The following TTLL10 variants were observed in gnomAD, a reference collection of about 807,000 sequenced individuals.
The protein encoded by TTLL10 is inactive polyglycylase TTLL10.
A neutral mutation model predicts 69.0 loss-of-function variants in TTLL10; 61 were observed. The ratio of observed to expected loss-of-function variants is 0.88; its 90% CI spans 0.72 to 1.09. The LOEUF (loss-of-function observed/expected upper bound fraction) is 1.09, where lower values mean the gene tolerates loss of function less well. Among genes scored for constraint, TTLL10 ranks in the 50% least tolerant of loss-of-function variants. The pLI, the probability that TTLL10 is intolerant of heterozygous loss-of-function variation, is 0.00. For missense variants in TTLL10, 962 were observed against 945.9 expected (o/e 1.02, Z -0.22); for synonymous variants, 408 against 393.3 (o/e 1.04, Z -0.44).
Position 1,185,246 on chromosome 1 carries a change from C to T in TTLL10, c.1401+137C>T. 6.9e-7 allele frequency: 1 copy of T among 1,456,978 alleles called. No homozygotes were observed. The highest frequency in any genetic ancestry group is 9.0e-7 in the Non-Finnish European group (1 of 1,105,646). The allele number at this position is 1,456,978 out of a possible 1,614,324, so 90.3% of individuals were successfully genotyped here. ...TGAAGTGTGACCTGACCGTGTGGAA[C>T]CAAACCCTTCCAGCGTCTCTGCTCA... On this transcript the variant is annotated intron_variant, in intron 13 of 15. Transcript: ENST00000379289. The surrounding 1 kb of genome is among the most constrained non-coding windows in gnomAD (Gnocchi z 6.1).
chr1:1,196,763 C>A, intron 14 of TTLL10, 47 bp downstream of exon 14: 1 of 1,323,440 alleles, frequency 7.6e-7, no homozygotes, highest in Non-Finnish European at 1.1e-6. Flanking sequence ...TGCAAGGAGG[C>A]AGGGGCCATC....
At chr1:1,196,491 G>A in intron 13 of TTLL10, 109 bp from the exon 14 acceptor site, 1 of 781,478 alleles carries the variant, frequency 1.3e-6, no homozygotes, top group South Asian at 1.5e-5. Flanking sequence ...CTGTACAGGT[G>A]CGGGTTCAGA....
chr1:1,175,379 C>T, intron 3 of TTLL10: 1 of 300,380 alleles, frequency 3.3e-6, no homozygotes, highest in Non-Finnish European at 6.5e-6. Context: ...GCACCTGATG[C>T]TGCTGCTTCT....
At chr1:1,189,468 T>G (rs976960273) in intron 13 of TTLL10, among the ~76,000 whole-genome samples, 4 of 152,252 alleles carry the variant, frequency 2.6e-5, no homozygotes, top group Non-Finnish European at 5.9e-5. Context: ...ACCATTTAAA[T>G]TTAAATATGC....
In TTLL10 at chr1:1,185,858, T is replaced by C. The variant is rs900772496; in HGVS notation, c.1401+749T>C. 5 of 983,592 alleles carry C rather than the reference T, an allele frequency of 5.1e-6. No homozygotes were observed. The highest frequency in any genetic ancestry group is 6.0e-6 in the Non-Finnish European group (5 of 828,454). The allele number at this position is 983,592 out of a possible 1,614,324, so 60.9% of individuals were successfully genotyped here. A position where few individuals can be genotyped will look rare whatever the true frequency, so the allele number is the denominator to read the frequency against. Reference sequence around the variant, plus strand: ...AATTCACAGAACATAAAATTCACGATCTTAAAGTGTGCAGTTCAGTGGCTT... The same window carrying C: ...AATTCACAGAACATAAAATTCACGACCTTAAAGTGTGCAGTTCAGTGGCTT... On this transcript the variant is annotated intron_variant, in intron 13 of 15. Coordinates refer to ENST00000379289, the MANE Select transcript of TTLL10 (RefSeq NM_001130045.2). This position sits in a 1 kb window ranked among gnomAD's most constrained non-coding sequence, Gnocchi z 6.1.
At chr1:1,195,198 C>T (rs999165605) in intron 13 of TTLL10, among the ~76,000 whole-genome samples, 9 of 152,180 alleles carry the variant, frequency 5.9e-5, no homozygotes, top group African/African-American at 2.2e-4. Context: ...ACAATGTTGG[C>T]CAGGCTGGTC....
intron 8 of TTLL10, 126 bp downstream of exon 8, chr1:1,180,986 AC>A: frequency 1.3e-6 from 1 of 799,016 alleles, no homozygotes; most frequent in Non-Finnish European, 1.7e-6. Flanking sequence ...GCCCCTGGCC[AC>A]CCAGGCTCCC....
rs77560046 is a variant in TTLL10, at chr1:1,183,518, G to A, written c.1089-402G>A. Among the ~76,000 whole-genome samples, 1,510 of 152,284 alleles carry A rather than the reference G, an allele frequency of 9.9e-3. 20 individuals are homozygous for A. The highest frequency in any genetic ancestry group is 0.057 in the South Asian group (273 of 4,830). On this transcript the variant is annotated intron_variant, in intron 11 of 15. Coordinates refer to ENST00000379289, the MANE Select transcript of TTLL10 (RefSeq NM_001130045.2). ...GAGCCTCACTCTGACCACAGCTGCCGTCTGCCGTCCCCAGCTTCCATCGGC... is the reference window on the plus strand; with the variant it reads ...GAGCCTCACTCTGACCACAGCTGCCATCTGCCGTCCCCAGCTTCCATCGGC...
intron 3 of TTLL10, chr1:1,175,742 A>G (rs1348384520): frequency 2.2e-6 from 1 of 451,108 alleles, no homozygotes; most frequent in Non-Finnish European, 4.5e-6. Flanking sequence ...GCTGCTGTGC[A>G]GGTGGAGAGA....
chr1:1,175,808 A>G (rs1019550750), intron 3 of TTLL10: 11 of 395,834 alleles, frequency 2.8e-5, no homozygotes, highest in Non-Finnish European at 4.5e-5. Flanking sequence ...GCAGGTGGAG[A>G]GAGGCTGCCA....
At position 1,181,124 on chromosome 1, in the gene TTLL10, C is replaced by T. The variant is rs1048024771; in HGVS notation, c.755+264C>T. ...CCACCTGTCCTTTAAAGGGCCAAAC[C>T]CCTGTCCCATAAACCCACCCTCTTC... On this transcript the variant is annotated intron_variant, in intron 8 of 15. Coordinates refer to ENST00000379289, the MANE Select transcript of TTLL10 (RefSeq NM_001130045.2). The surrounding 1 kb of genome is among the most constrained non-coding windows in gnomAD (Gnocchi z 4.6). 3.3e-5 allele frequency among the ~76,000 whole-genome samples: 5 copies of T among 151,284 alleles called. No individual in the cohort carries two copies. Among genetic ancestry groups the T allele is most frequent in the Non-Finnish European group, 7.4e-5 (5 of 67,828 alleles).
chr1:1,180,353 C>A lies in TTLL10; in HGVS notation c.506+13C>A. ...ACGGGGCCACAATGTGAGTAGCGGC[C>A]CTGGGCGCCCGTGGTCCCACTGAAT... is the stretch of plus-strand genomic sequence containing the variant. On this transcript the variant is annotated intron_variant, in intron 6 of 15. Transcript: ENST00000379289. 1 of 1,551,488 alleles carries A rather than the reference C, an allele frequency of 6.4e-7. No homozygotes were observed. The highest frequency in any genetic ancestry group is 8.7e-7 in the Non-Finnish European group (1 of 1,147,756).
rs1000132549 is a variant in TTLL10, at chr1:1,179,978, C to T, written c.200-56C>T. The stretch of plus-strand genomic sequence containing the variant: ...GGGAGCAAACTGGCTGAGCCATGTC[C>T]GGGCTGAGTGGGCAGCTCCCGTAGC... On this transcript the variant is annotated intron_variant, in intron 5 of 15. Coordinates refer to ENST00000379289, the MANE Select transcript of TTLL10 (RefSeq NM_001130045.2). 93 of 1,461,918 alleles carry T rather than the reference C, an allele frequency of 6.4e-5. 1 individual carries two copies. The highest frequency in any genetic ancestry group is 3.8e-4 in the African/African-American group (27 of 70,864). The allele number at this position is 1,461,918 out of a possible 1,614,324, so 90.6% of individuals were successfully genotyped here. A position where few individuals can be genotyped will look rare whatever the true frequency, so the allele number is the denominator to read the frequency against.
In TTLL10 at chr1:1,185,034, C is replaced by G. The variant is rs1048186295; in HGVS notation, c.1326C>G (p.His442Gln). ...AGCACACGGTGTGGAGCATGGAACA[C>G]CTCAACCGCTACATCAGTGACACGT... ...LKEHTVWSME[H>Q]LNRYISDTFW... is the part of the protein sequence containing the mutation. Residue 442 changes from histidine to glutamine, a missense_variant, in exon 13 of 16, where the codon CAC becomes CAG. Coordinates refer to ENST00000379289, the MANE Select transcript of TTLL10 (RefSeq NM_001130045.2). The surrounding 1 kb of genome is among the most constrained non-coding windows in gnomAD (Gnocchi z 6.1). The G allele has an allele frequency of 1.2e-6, 2 of 1,614,044 alleles. No homozygotes were observed. Among genetic ancestry groups the G allele is most frequent in the South Asian group, 2.2e-5 (2 of 91,048 alleles).
rs544884729 is a variant in TTLL10, at chr1:1,181,377, C to T, written c.756-364C>T. On this transcript the variant is annotated intron_variant, in intron 8 of 15. Transcript: ENST00000379289. This position sits in a 1 kb window ranked among gnomAD's most constrained non-coding sequence, Gnocchi z 4.6. The stretch of plus-strand genomic sequence containing the variant: ...CCCAAGTCTGGGCCATCCATCCTAG[C>T]GACTTCGTCCTCCTGCTCCCAGCCC... Among the ~76,000 whole-genome samples, 176 of 152,164 alleles carry T rather than the reference C, an allele frequency of 1.2e-3. 1 individual carries two copies. The highest frequency in any genetic ancestry group is 7.5e-3 in the South Asian group (36 of 4,814).
Position 1,182,873 on chromosome 1 carries a change from C to T in TTLL10, c.917-3C>T, listed in dbSNP as rs751801451. 1.9e-6 allele frequency: 3 copies of T among 1,571,144 alleles called. No individual in the cohort carries two copies. Among genetic ancestry groups the T allele is most frequent in the Non-Finnish European group, 2.6e-6 (3 of 1,157,200 alleles). On this transcript the variant is annotated splice_region_variant and splice_polypyrimidine_tract_variant and intron_variant, in intron 10 of 15. Coordinates refer to ENST00000379289, the MANE Select transcript of TTLL10 (RefSeq NM_001130045.2). ...CCAGGGGCTCAGGCCGCGCTCTCTGCAGAAACCCAGATATGGATCTGCAAG... is the reference window on the plus strand; with the variant it reads ...CCAGGGGCTCAGGCCGCGCTCTCTGTAGAAACCCAGATATGGATCTGCAAG...
At chr1:1,176,057 T>C in intron 3 of TTLL10, 1 of 427,758 alleles carries the variant, frequency 2.3e-6, no homozygotes. Flanking sequence ...AGGCTGACGC[T>C]GTGCAGGTGG....
chr1:1,183,635 G>T (rs577287900), intron 11 of TTLL10, among the ~76,000 whole-genome samples: 1 of 152,188 alleles, frequency 6.6e-6, no homozygotes, highest in African/African-American at 2.4e-5. Context: ...CGCCTGGCGC[G>T]CTCCTTCCCT....
chr1:1,182,360 G>A lies in TTLL10; in HGVS notation c.831-1G>A. 1.2e-6 allele frequency: 2 copies of A among 1,613,758 alleles called. No individual in the cohort carries two copies. Among genetic ancestry groups the A allele is most frequent in the African/African-American group, 2.7e-5 (2 of 75,048 alleles). On this transcript the variant is annotated splice_acceptor_variant, in intron 9 of 15. Transcript: ENST00000379289. LOFTEE classifies it high-confidence loss of function. ...CATCCTCCTGCCTCCCTGCCCTGCA[G>A]GGTCCTGAGAATGGAAGAGTTTTTC... is the stretch of plus-strand genomic sequence containing the variant.
Sources: gnomAD v4.1 joint callset for allele counts (sites outside exome capture counted in the v4.1 genomes callset) on GRCh38, gnomAD v4.1.1 for gene constraint, Gnocchi (gnomAD v3.1) non-coding constraint, MANE v1.5 for transcripts, NCBI Gene and HGNC (gene_info 2026-07-23, HGNC 2026-07-21) for gene names.